Variants in CHCHD3 observed in about 807,000 individuals in gnomAD.
The protein encoded by CHCHD3 is coiled-coil-helix-coiled-coil-helix domain containing 3.
In CHCHD3, 20 loss-of-function variants were observed where a neutral mutation model predicts 38.2. The ratio of observed to expected loss-of-function variants is 0.52; its 90% CI spans 0.37 to 0.76. CHCHD3 has a LOEUF of 0.76. CHCHD3 is among the 30% of genes least tolerant of loss of function. The pLI, the probability that CHCHD3 is intolerant of heterozygous loss-of-function variation, is 0.00. For missense variants in CHCHD3, 245 were observed against 279.2 expected (o/e 0.88, Z 0.87); for synonymous variants, 82 against 100.0 (o/e 0.82, Z 1.07).
At chr7:132,876,136 G>A (rs965895339) in intron 5 of CHCHD3, among the ~76,000 whole-genome samples, 3 of 152,088 alleles carry the variant, frequency 2.0e-5, no homozygotes, top group Non-Finnish European at 2.9e-5. Context: ...AGGAAAATAC[G>A]CATTGGCTGG....
intron 4 of CHCHD3, among the ~76,000 whole-genome samples, chr7:132,940,064 T>C (rs1220624627): frequency 6.6e-6 from 1 of 152,086 alleles, no homozygotes; most frequent in African/African-American, 2.4e-5. Context: ...CCATTAGCAA[T>C]ATTAGTGCTA....
chr7:132,871,258 A>G (rs1808761068), intron 5 of CHCHD3, among the ~76,000 whole-genome samples: 2 of 152,216 alleles, frequency 1.3e-5, no homozygotes, highest in East Asian at 3.8e-4. Flanking sequence ...CTTTTGGGAA[A>G]TAAGTTCAGG....
At chr7:132,858,859 T>C (rs1261646758) in intron 5 of CHCHD3, among the ~76,000 whole-genome samples, 1 of 152,182 alleles carries the variant, frequency 6.6e-6, no homozygotes, top group East Asian at 1.9e-4. Context: ...GCGCTTTACA[T>C]AGATTGTCTC....
chr7:132,882,420 C>T (rs1355221696), intron 5 of CHCHD3, among the ~76,000 whole-genome samples: 1 of 151,184 alleles, frequency 6.6e-6, no homozygotes, highest in Non-Finnish European at 1.5e-5. Flanking sequence ...TGTAGGATGA[C>T]CACTTCCCAG....
chr7:132,911,290 C>T (rs1585629552), intron 4 of CHCHD3, among the ~76,000 whole-genome samples: 1 of 152,156 alleles, frequency 6.6e-6, no homozygotes, highest in Non-Finnish European at 1.5e-5. Flanking sequence ...TGACTGGCCA[C>T]CCCCATCTAC....
intron 4 of CHCHD3, among the ~76,000 whole-genome samples, chr7:132,958,356 C>A (rs1399638556): frequency 6.6e-6 from 1 of 151,714 alleles, no homozygotes; most frequent in Non-Finnish European, 1.5e-5. Context: ...CTTTAGCAAT[C>A]ACAGAAAAGC....
At chr7:133,072,908 G>A (rs1026016236) in intron 1 of CHCHD3, among the ~76,000 whole-genome samples, 1 of 151,118 alleles carries the variant, frequency 6.6e-6, no homozygotes, top group Non-Finnish European at 1.5e-5. Flanking sequence ...TAAAGCAGAA[G>A]TCATCAAGGA....
intron 2 of CHCHD3, among the ~76,000 whole-genome samples, chr7:133,054,993 A>C (rs1032498167): frequency 1.3e-5 from 2 of 152,034 alleles, no homozygotes; most frequent in Non-Finnish European, 2.9e-5. Flanking sequence ...AATGTATAGT[A>C]AAGGTGCTAA....
chr7:132,939,233 T>C (rs1810704150), intron 4 of CHCHD3, among the ~76,000 whole-genome samples: 1 of 152,142 alleles, frequency 6.6e-6, no homozygotes, highest in South Asian at 2.1e-4. Flanking sequence ...ATAACTTAAG[T>C]ATACAATGTT....
chr7:132,919,577 C>T (rs1048717391), intron 4 of CHCHD3, among the ~76,000 whole-genome samples: 1 of 152,174 alleles, frequency 6.6e-6, no homozygotes, highest in Non-Finnish European at 1.5e-5. Flanking sequence ...GTAATTCTAA[C>T]TTGCAAGAGA....
At chr7:132,995,971 T>C (rs1428331537) in intron 3 of CHCHD3, among the ~76,000 whole-genome samples, 3 of 152,208 alleles carry the variant, frequency 2.0e-5, no homozygotes, top group Non-Finnish European at 4.4e-5. Context: ...ATAGTAGTTG[T>C]TAGTCCCCAT....
intron 7 of CHCHD3, among the ~76,000 whole-genome samples, 198 bp downstream of exon 7, chr7:132,796,244 A>G (rs1368878075): frequency 1.3e-5 from 2 of 152,230 alleles, no homozygotes; most frequent in Non-Finnish European, 2.9e-5. Context: ...AGTTGTACAT[A>G]AGGAAGATAT....
chr7:132,935,338 C>CTAT (rs1810611370), intron 4 of CHCHD3, among the ~76,000 whole-genome samples: 2 of 152,140 alleles, frequency 1.3e-5, no homozygotes, highest in African/African-American at 4.8e-5. Context: ...TTGCTACCTA[C>CTAT]TATTGGACTA....
intron 5 of CHCHD3, among the ~76,000 whole-genome samples, chr7:132,866,587 A>T (rs923881837): frequency 3.9e-5 from 6 of 152,294 alleles, no homozygotes; most frequent in African/African-American, 1.4e-4. Context: ...ATGCATTTTC[A>T]CTGGATAAGG....
At chr7:132,877,657 T>C (rs1231229556) in intron 5 of CHCHD3, among the ~76,000 whole-genome samples, 1 of 152,176 alleles carries the variant, frequency 6.6e-6, no homozygotes. Flanking sequence ...CTGTTGCTTG[T>C]GACATTACAA....
At chr7:132,983,933 C>CT (rs1441935227) in intron 3 of CHCHD3, among the ~76,000 whole-genome samples, 104 of 151,982 alleles carry the variant, frequency 6.8e-4, no homozygotes, top group Non-Finnish European at 3.4e-4. Flanking sequence ...ACCTTTTAAT[C>CT]TTGTATTGAA....
At chr7:133,023,322 A>C (rs1052614091) in intron 3 of CHCHD3, among the ~76,000 whole-genome samples, 1 of 152,152 alleles carries the variant, frequency 6.6e-6, no homozygotes, top group African/African-American at 2.4e-5. Context: ...ATTTTGTGTA[A>C]ATTGGGAGTT....
At chr7:132,883,641 T>C (rs1432257405) in intron 5 of CHCHD3, among the ~76,000 whole-genome samples, 2 of 152,228 alleles carry the variant, frequency 1.3e-5, no homozygotes, top group African/African-American at 4.8e-5. Context: ...GCCACACTCA[T>C]TCATTTACAG....
intron 4 of CHCHD3, chr7:132,973,001 G>C (rs560894020): frequency 2.0e-6 from 2 of 985,288 alleles, no homozygotes; most frequent in East Asian, 2.3e-4. Flanking sequence ...TAATATTTTA[G>C]TTATGTTGAG....
Sources: gnomAD v4.1 joint callset for allele counts (sites outside exome capture counted in the v4.1 genomes callset) on GRCh38, gnomAD v4.1.1 for gene constraint, MANE v1.5 for transcripts, NCBI Gene and HGNC (gene_info 2026-07-23, HGNC 2026-07-21) for gene names.